Variants in APBB1IP observed in about 807,000 individuals in gnomAD.
The protein encoded by APBB1IP is amyloid beta precursor protein binding family B member 1 interacting protein.
In APBB1IP, 27 loss-of-function variants were observed where a neutral mutation model predicts 64.9. That is an observed-to-expected ratio of 0.42 (90% CI 0.31 to 0.57). The LOEUF is 0.57. APBB1IP is among the 20% of genes least tolerant of loss of function. The pLI is 0.20. For missense variants in APBB1IP, 812 were observed against 845.5 expected (o/e 0.96, Z 0.49); for synonymous variants, 392 against 331.0 (o/e 1.18, Z -2.00).
At chr10:26,442,703 A>G (rs1175254206) in intron 2 of APBB1IP, among the ~76,000 whole-genome samples, 1 of 152,248 alleles carries the variant, frequency 6.6e-6, no homozygotes, top group East Asian at 1.9e-4. Flanking sequence ...AAATAACAAC[A>G]AATAATAATA....
chr10:26,448,096 T>C (rs1835421313), intron 2 of APBB1IP, among the ~76,000 whole-genome samples: 1 of 152,174 alleles, frequency 6.6e-6, no homozygotes, highest in Non-Finnish European at 1.5e-5. Context: ...TGAAATTATA[T>C]TTAACAGTAA....
chr10:26,447,368 C>G (rs113354934), intron 2 of APBB1IP, among the ~76,000 whole-genome samples: 1 of 124,708 alleles, frequency 8.0e-6, no homozygotes, highest in Non-Finnish European at 1.6e-5. Context: ...GAGTGAGACT[C>G]CGTCTCAAAA....
intron 2 of APBB1IP, among the ~76,000 whole-genome samples, chr10:26,462,679 T>G (rs1835606647): frequency 1.3e-5 from 2 of 152,228 alleles, no homozygotes; most frequent in African/African-American, 4.8e-5. Context: ...AGTGATTTGT[T>G]GTTTTCCTAT....
At chr10:26,496,628 A>G (rs1345131945) in intron 4 of APBB1IP, among the ~76,000 whole-genome samples, 2 of 152,072 alleles carry the variant, frequency 1.3e-5, no homozygotes, top group African/African-American at 4.8e-5. Flanking sequence ...AAGTCTCGAA[A>G]TGATCTCGTG....
At chr10:26,544,926 G>T (rs556287027) in intron 11 of APBB1IP, among the ~76,000 whole-genome samples, 1 of 152,308 alleles carries the variant, frequency 6.6e-6, no homozygotes, top group South Asian at 2.1e-4. Flanking sequence ...AGGAGAGAGG[G>T]GGCTCAGAGG....
intron 2 of APBB1IP, among the ~76,000 whole-genome samples, chr10:26,460,589 G>A (rs1351802447): frequency 1.3e-5 from 2 of 152,156 alleles, no homozygotes; most frequent in African/African-American, 2.4e-5. Flanking sequence ...AGAAAATATG[G>A]TAAATATACA....
In APBB1IP at chr10:26,566,994, C is replaced by T; in HGVS notation, c.1507C>T (p.Pro503Ser). 1.3e-6 allele frequency: 2 copies of T among 1,580,892 alleles called. No individual in the cohort carries two copies. Among genetic ancestry groups the T allele is most frequent in the African/African-American group, 1.4e-5 (1 of 73,080 alleles). ...KKPALGNHHD[P>S]AVPRAPHAPK... ...GCCAGCCCTCGGGAACCACCACGACCCGGCAGTGCCCCGGGCCCCGCACGC... is the reference window on the plus strand; with the variant it reads ...GCCAGCCCTCGGGAACCACCACGACTCGGCAGTGCCCCGGGCCCCGCACGC... The change falls in exon 15 of 15, where the codon CCG becomes TCG. Residue 503 changes from proline (P) to serine (S), a missense_variant. Coordinates refer to ENST00000376236, the MANE Select transcript of APBB1IP (RefSeq NM_019043.4).
chr10:26,501,184 C>CA, intron 5 of APBB1IP, 73 bp downstream of exon 5: 1 of 1,571,318 alleles, frequency 6.4e-7, no homozygotes, highest in Non-Finnish European at 8.7e-7. Flanking sequence ...TTGAAGTGAT[C>CA]ATTACATTCC....
At chr10:26,513,147 GGCATATGCCT>G (rs771565761) in intron 7 of APBB1IP, among the ~76,000 whole-genome samples, 21 of 152,186 alleles carry the variant, frequency 1.4e-4, no homozygotes, top group Non-Finnish European at 2.9e-4. Flanking sequence ...TGGGTACACT[GGCATATGCCT>G]GTAGGCTGAG....
intron 2 of APBB1IP, among the ~76,000 whole-genome samples, chr10:26,483,439 CA>C (rs1835859099): frequency 6.6e-6 from 1 of 152,148 alleles, no homozygotes; most frequent in Admixed American, 6.5e-5. Flanking sequence ...CGCACCAGGA[CA>C]ATCCCTGGCA....
intron 6 of APBB1IP, among the ~76,000 whole-genome samples, chr10:26,510,900 C>G (rs1020866621): frequency 6.6e-6 from 1 of 152,054 alleles, no homozygotes; most frequent in African/African-American, 2.4e-5. Flanking sequence ...CAGTGGGGCC[C>G]CCTCAGTGAT....
intron 11 of APBB1IP, among the ~76,000 whole-genome samples, chr10:26,553,211 A>G (rs1005767628): frequency 2.7e-5 from 4 of 150,826 alleles, no homozygotes; most frequent in African/African-American, 9.7e-5. Context: ...TAGTAGAGAC[A>G]GGGTTTCACC....
At chr10:26,562,034 C>A in intron 13 of APBB1IP, 1 of 273,106 alleles carries the variant, frequency 3.7e-6, no homozygotes, top group Middle Eastern at 1.3e-3. Context: ...TTAGTCCAGA[C>A]CCTCCTCAGT....
At chr10:26,497,440 A>G (rs1836039950) in intron 4 of APBB1IP, among the ~76,000 whole-genome samples, 1 of 151,648 alleles carries the variant, frequency 6.6e-6, no homozygotes. Flanking sequence ...AGTCCCAGGT[A>G]CCTGGGAGGC....
intron 11 of APBB1IP, among the ~76,000 whole-genome samples, chr10:26,543,398 C>T (rs1190577263): frequency 4.0e-5 from 6 of 149,192 alleles, no homozygotes; most frequent in South Asian, 2.1e-4. Context: ...ACCCGGGAGG[C>T]GGAGGTTGCA....
intron 7 of APBB1IP, among the ~76,000 whole-genome samples, chr10:26,512,534 G>A (rs1588596182): frequency 6.6e-6 from 1 of 151,988 alleles, no homozygotes; most frequent in South Asian, 2.1e-4. Context: ...GCAAAGAACA[G>A]TTGGTAGACA....
At chr10:26,510,048 C>T (rs938201786) in intron 6 of APBB1IP, among the ~76,000 whole-genome samples, 1 of 152,198 alleles carries the variant, frequency 6.6e-6, no homozygotes, top group Non-Finnish European at 1.5e-5. Flanking sequence ...CGGCTCACTG[C>T]AACCTCTGCC....
At chr10:26,470,533 C>T (rs1180959664) in intron 2 of APBB1IP, among the ~76,000 whole-genome samples, 1 of 152,058 alleles carries the variant, frequency 6.6e-6, no homozygotes, top group Non-Finnish European at 1.5e-5. Flanking sequence ...AGCGAGACTC[C>T]ATCTCAAAAT....
chr10:26,470,223 G>C (rs755304284), intron 2 of APBB1IP, among the ~76,000 whole-genome samples: 1 of 152,192 alleles, frequency 6.6e-6, no homozygotes, highest in African/African-American at 2.4e-5. Flanking sequence ...AATTACATAA[G>C]ATGTTCAACT....
Sources: gnomAD v4.1 joint callset for allele counts (sites outside exome capture counted in the v4.1 genomes callset) on GRCh38, gnomAD v4.1.1 for gene constraint, MANE v1.5 for transcripts, NCBI Gene and HGNC (gene_info 2026-07-23, HGNC 2026-07-21) for gene names.